The following P2RX1 variants were observed in gnomAD, a reference collection of about 807,000 sequenced individuals.
P2RX1 encodes purinergic receptor P2X 1, also known as P2X purinoceptor 1.
In P2RX1, 42 loss-of-function variants were observed where a neutral mutation model predicts 50.3. That is an observed-to-expected ratio of 0.83 (90% CI 0.65 to 1.08). The LOEUF (loss-of-function observed/expected upper bound fraction) is 1.08, where lower values mean the gene tolerates loss of function less well. P2RX1 is among the 50% of genes least tolerant of loss of function. The pLI is 0.00. For missense variants in P2RX1, 449 were observed against 529.0 expected, an observed-to-expected ratio of 0.85 and a Z score of 1.48; for synonymous variants, 199 against 202.6, an observed-to-expected ratio of 0.98 and a Z score of 0.15.
At chr17:3,906,292 C>T (rs1360819096) in intron 1 of P2RX1, among the ~76,000 whole-genome samples, 1 of 152,126 alleles carries the variant, frequency 6.6e-6, no homozygotes, top group Non-Finnish European at 1.5e-5. Context: ...CCACCACGCC[C>T]AGCTAATTTT....
Position 3,903,367 on chromosome 17 carries a change from AGCTG to A in P2RX1, c.606-28_606-25del, listed in dbSNP as rs1339503045. The A allele has an allele frequency of 6.2e-7, 1 of 1,613,824 alleles. No individual in the cohort carries two copies. Among genetic ancestry groups the A allele is most frequent in the Non-Finnish European group, 8.5e-7 (1 of 1,179,984 alleles). ...GCCTGTGGGGGTGGAAGGTGTTGACAGCTGCTGTGTGTCATCCGGGAGGGTGCCC... is the reference window on the plus strand; with the variant it reads ...GCCTGTGGGGGTGGAAGGTGTTGACACTGTGTGTCATCCGGGAGGGTGCCC... On this transcript the variant is annotated intron_variant, in intron 6 of 11. Coordinates refer to ENST00000225538, the MANE Select transcript of P2RX1 (RefSeq NM_002558.4). The surrounding 1 kb of genome is among the most constrained non-coding windows in gnomAD (Gnocchi z 4.6).
intron 9 of P2RX1, 35 bp from the exon 10 acceptor site, chr17:3,898,584 G>A (rs368837981): frequency 9.0e-5 from 139 of 1,544,680 alleles, no homozygotes; most frequent in Non-Finnish European, 1.2e-4. Flanking sequence ...AGGGCTAACC[G>A]TCGGAAGGGG....
intron 4 of P2RX1, 59 bp from the exon 5 acceptor site, chr17:3,904,083 C>T (rs992248712): frequency 7.2e-7 from 1 of 1,394,070 alleles, no homozygotes; most frequent in Non-Finnish European, 1.0e-6. Flanking sequence ...CGCCCCAGAC[C>T]CCTTCTCCAG....
At chr17:3,915,142 G>A (rs567642160) in intron 1 of P2RX1, among the ~76,000 whole-genome samples, 1 of 152,100 alleles carries the variant, frequency 6.6e-6, no homozygotes, top group African/African-American at 2.4e-5. Flanking sequence ...GCACCCCTAG[G>A]ACCCCAGCAG....
intron 1 of P2RX1, among the ~76,000 whole-genome samples, chr17:3,910,698 C>T (rs1267363985): frequency 1.3e-5 from 2 of 152,234 alleles, no homozygotes; most frequent in Admixed American, 6.5e-5. Flanking sequence ...GAGCAGCAGC[C>T]TTGGGGAGGG....
In P2RX1 at chr17:3,905,286, G is replaced by A. The variant is rs564881402; in HGVS notation, c.219C>T (p.Ala73=). The change falls in exon 2 of 12, where the codon GCC becomes GCT. Residue 73 remains alanine, a synonymous_variant. Coordinates refer to ENST00000225538, the MANE Select transcript of P2RX1 (RefSeq NM_002558.4). Reference sequence around the variant, plus strand: ...GGCCGAGGCCAGGGAGCTGGGTCACGGCCAGGCCCTTGAGTTTCACAGAGA... The same window carrying A: ...GGCCGAGGCCAGGGAGCTGGGTCACAGCCAGGCCCTTGAGTTTCACAGAGA... ...SSVSVKLKGL[A]VTQLPGLGPQ... 22 of 1,613,984 alleles carry A rather than the reference G, an allele frequency of 1.4e-5. No homozygotes were observed. The highest frequency in any genetic ancestry group is 3.3e-5 in the South Asian group (3 of 91,088).
At chr17:3,915,530 A>G in intron 1 of P2RX1, 1 of 456,674 alleles carries the variant, frequency 2.2e-6, no homozygotes, top group Non-Finnish European at 4.4e-6. Flanking sequence ...CCCTGGGACC[A>G]GAACCAATCT....
Position 3,903,115 on chromosome 17 carries a change from A to G in P2RX1, c.747+87T>C. The G allele has an allele frequency of 1.0e-5, 16 of 1,579,988 alleles. No individual in the cohort carries two copies. The highest frequency in any genetic ancestry group is 1.4e-5 in the Non-Finnish European group (16 of 1,157,182). ...CATATACTCAGCCCTCACCGAGGAG[A>G]CTTGGGAAGATGAACTGGGCCTAAA... On this transcript the variant is annotated intron_variant, in intron 7 of 11. Transcript: ENST00000225538. This position sits in a 1 kb window ranked among gnomAD's most constrained non-coding sequence, Gnocchi z 4.6.
chr17:3,916,372 G>A lies in P2RX1; in HGVS notation c.-147C>T. The A allele has an allele frequency of 1.1e-6, 1 of 874,564 alleles. No homozygotes were observed. Among genetic ancestry groups the A allele is most frequent in the Non-Finnish European group, 1.8e-6 (1 of 570,758 alleles). 54.2% of individuals were successfully genotyped at this position (874,564 alleles called of 1,614,324 possible). A position where few individuals can be genotyped will look rare whatever the true frequency, so the allele number is the denominator to read the frequency against. ...GCAGGGCGGTGCAGGTGGAGCCAGA[G>A]GACAGGAGCCAGAGGTCAGCTGGAG... On this transcript the variant is annotated 5_prime_UTR_variant, in exon 1 of 12. Transcript: ENST00000225538.
chr17:3,897,742 C>T lies in P2RX1; in HGVS notation c.*72G>A. On this transcript the variant is annotated 3_prime_UTR_variant, in exon 12 of 12. Transcript: ENST00000225538. Reference sequence around the variant, plus strand: ...AGACTTCCTGGGGAGGCCCCTCTGCCCTGGCTGGGACCCACCAGGGCTCCA... The same window carrying T: ...AGACTTCCTGGGGAGGCCCCTCTGCTCTGGCTGGGACCCACCAGGGCTCCA... 1 of 1,443,474 alleles carries T rather than the reference C, an allele frequency of 6.9e-7. No homozygotes were observed. The allele number at this position is 1,443,474 out of a possible 1,614,324, so 89.4% of individuals were successfully genotyped here. A position where few individuals can be genotyped will look rare whatever the true frequency, so the allele number is the denominator to read the frequency against.
Position 3,916,173 on chromosome 17 carries a change from G to T in P2RX1, c.53C>A (p.Thr18Asn), listed in dbSNP as rs1373319831. Residue 18 changes from threonine (T) to asparagine (N), a missense_variant, in exon 1 of 12, where the codon ACC becomes AAC. By Grantham distance (65) the Thr-to-Asn change is moderately conservative. Coordinates refer to ENST00000225538, the MANE Select transcript of P2RX1 (RefSeq NM_002558.4). Reference protein sequence around the residue: ...ELAAFLFEYDTPRMVLVRNKK... With the variant: ...ELAAFLFEYDNPRMVLVRNKK... Reference sequence around the variant, plus strand: ...ATTACGCACCAGCACCATGCGGGGGGTGTCATACTCGAAGAGGAAGGCGGC... The same window carrying T: ...ATTACGCACCAGCACCATGCGGGGGTTGTCATACTCGAAGAGGAAGGCGGC... 1.9e-6 allele frequency: 3 copies of T among 1,613,346 alleles called. No homozygotes were observed.
intron 4 of P2RX1, 87 bp downstream of exon 4, chr17:3,904,243 G>A (rs2056214305): frequency 2.3e-6 from 3 of 1,315,846 alleles, no homozygotes; most frequent in Non-Finnish European, 3.3e-6. Context: ...GGTGTGGAGA[G>A]AGGCAGGTCA....
rs142687602 is a variant in P2RX1 at position 3,904,929 on chromosome 17, C to T, written c.286G>A (p.Gly96Arg). ...DVADYVFPAQ[G>R]DNSFVVMTNF... Reference sequence around the variant, plus strand: ...GTCATGACCACGAAGGAGTTGTCCCCCTAGAAGTGAGGGGCAGGGGGAGGG... The same window carrying T: ...GTCATGACCACGAAGGAGTTGTCCCTCTAGAAGTGAGGGGCAGGGGGAGGG... The change falls in exon 3 of 12, where the codon GGG becomes AGG. Residue 96 changes from glycine to arginine, a missense_variant and splice_region_variant. Coordinates refer to ENST00000225538, the MANE Select transcript of P2RX1 (RefSeq NM_002558.4). 5.0e-4 allele frequency: 728 copies of T among 1,454,376 alleles called. 1 individual carries two copies. The highest frequency in any genetic ancestry group is 6.4e-4 in the Non-Finnish European group (670 of 1,049,890). The allele number at this position is 1,454,376 out of a possible 1,614,324, so 90.1% of individuals were successfully genotyped here.
rs185771519 is a variant in P2RX1 at position 3,914,288 on chromosome 17, G to A, written c.137+1801C>T. Among the ~76,000 whole-genome samples, 111 of 152,184 alleles carry A rather than the reference G, an allele frequency of 7.3e-4. 2 individuals are homozygous for A. The Middle Eastern group carries it at 0.014, about 19-fold the overall frequency. ...TGTGGTCCTGAGCCCCACAGACACC[G>A]AGAAGGGCCACATCCATTTGGAAAC... is the stretch of plus-strand genomic sequence containing the variant. On this transcript the variant is annotated intron_variant, in intron 1 of 11. Coordinates refer to ENST00000225538, the MANE Select transcript of P2RX1 (RefSeq NM_002558.4). This position sits in a 1 kb window ranked among gnomAD's most constrained non-coding sequence, Gnocchi z 4.1.
chr17:3,904,353 C>G lies in P2RX1; in HGVS notation c.404G>C (p.Gly135Ala). The change falls in exon 4 of 12, where the codon GGG becomes GCG. Residue 135 changes from glycine to alanine, a missense_variant. Transcript: ENST00000225538. The part of the protein sequence containing the change: ...ICKEDSGCTP[G>A]KAKRKAQGIR... ...ACCTTGGGCCTTCCTCTTGGCCTTC[C>G]CAGGGGTACAGCCACTGTCTTCCTT... The G allele has an allele frequency of 1.2e-6, 2 of 1,614,032 alleles. No individual in the cohort carries two copies. Among genetic ancestry groups the G allele is most frequent in the South Asian group, 1.1e-5 (1 of 91,078 alleles).
intron 1 of P2RX1, among the ~76,000 whole-genome samples, chr17:3,909,767 AAAAC>A (rs1411721609): frequency 2.0e-5 from 3 of 152,246 alleles, no homozygotes; most frequent in East Asian, 3.9e-4. Context: ...AAAAGTGAAC[AAAAC>A]AAACAAAAAT....
intron 1 of P2RX1, among the ~76,000 whole-genome samples, chr17:3,913,530 G>A (rs760945259): frequency 6.6e-6 from 1 of 152,238 alleles, no homozygotes; most frequent in Non-Finnish European, 1.5e-5. Context: ...TCCTGGAGGA[G>A]CATGACTGGC....
intron 7 of P2RX1, among the ~76,000 whole-genome samples, chr17:3,901,419 G>A (rs1019215492): frequency 8.5e-5 from 13 of 152,196 alleles, no homozygotes; most frequent in African/African-American, 3.1e-4. Context: ...CAGCATGTGT[G>A]TTGCTCCGGC....
At position 3,903,145 on chromosome 17, in the gene P2RX1, C is replaced by T. The variant is rs2056183097; in HGVS notation, c.747+57G>A. On this transcript the variant is annotated intron_variant, in intron 7 of 11. Transcript: ENST00000225538. The surrounding 1 kb of genome is among the most constrained non-coding windows in gnomAD (Gnocchi z 4.6). Reference sequence around the variant, plus strand: ...GGAAGATGAACTGGGCCTAAAAAGCCTTTATCAGGATCCTGCGGCCCAGCC... The same window carrying T: ...GGAAGATGAACTGGGCCTAAAAAGCTTTTATCAGGATCCTGCGGCCCAGCC... 6.2e-7 allele frequency: 1 copy of T among 1,610,994 alleles called. No individual in the cohort carries two copies. Among genetic ancestry groups the T allele is most frequent in the African/African-American group, 1.3e-5 (1 of 74,904 alleles).
Sources: allele counts gnomAD v4.1 joint callset (sites outside exome capture counted in the v4.1 genomes callset), GRCh38; gene constraint gnomAD v4.1.1; non-coding constraint Gnocchi (gnomAD v3.1); transcripts MANE v1.5; gene names NCBI Gene and HGNC (gene_info 2026-07-23, HGNC 2026-07-21).